The following PLCE1 variants were observed in gnomAD, a reference collection of about 807,000 sequenced individuals.
PLCE1 encodes 1-phosphatidylinositol 4,5-bisphosphate phosphodiesterase epsilon-1.
In PLCE1, 119 loss-of-function variants were observed where a neutral mutation model predicts 242.8. The observed-to-expected ratio is 0.49, with a 90% CI of 0.42 to 0.57. The LOEUF (loss-of-function observed/expected upper bound fraction) is 0.57. Ranked by LOEUF, PLCE1 falls within the 20% of genes least tolerant of loss-of-function variation. The pLI, the probability that PLCE1 is intolerant of heterozygous loss-of-function variation, is 0.00. For missense variants in PLCE1, 2,441 were observed against 2,788.8 expected (o/e 0.88, Z 2.81); for synonymous variants, 945 against 1,017.4 (o/e 0.93, Z 1.35).
At chr10:94,069,383 T>C (rs1376746673) in intron 2 of PLCE1, among the ~76,000 whole-genome samples, 1 of 152,124 alleles carries the variant, frequency 6.6e-6, no homozygotes, top group African/African-American at 2.4e-5. Context: ...GCAGATCACT[T>C]GAGGTCAGGA....
chr10:94,220,867 C>T (rs935256637), intron 4 of PLCE1, among the ~76,000 whole-genome samples: 5 of 152,168 alleles, frequency 3.3e-5, no homozygotes, highest in Non-Finnish European at 4.4e-5. Flanking sequence ...GCACAGGAAA[C>T]GGTGGGGCTG....
chr10:94,071,223 G>A (rs903986804), intron 2 of PLCE1, among the ~76,000 whole-genome samples: 1 of 151,898 alleles, frequency 6.6e-6, no homozygotes, highest in African/African-American at 2.4e-5. Flanking sequence ...GGAGTGTCCT[G>A]CTCACATCCT....
At chr10:94,217,749 A>C (rs2049580419) in intron 4 of PLCE1, among the ~76,000 whole-genome samples, 1 of 152,214 alleles carries the variant, frequency 6.6e-6, no homozygotes, top group Admixed American at 6.5e-5. Context: ...TTCTGAGTAC[A>C]GTATTTAGGG....
chr10:94,271,203 G>A (rs1043452216), intron 18 of PLCE1, among the ~76,000 whole-genome samples: 10 of 151,728 alleles, frequency 6.6e-5, no homozygotes, highest in African/African-American at 2.4e-4. Flanking sequence ...CAACACTTCT[G>A]GTACCACAAG....
intron 2 of PLCE1, 33 bp from the exon 3 acceptor site, chr10:94,132,141 A>T (rs761845759): frequency 1.2e-6 from 2 of 1,607,252 alleles, no homozygotes; most frequent in Non-Finnish European, 8.5e-7. Flanking sequence ...AAGAAACTAG[A>T]TTAATACTTC....
chr10:94,307,212 T>C (rs925508756), intron 26 of PLCE1, among the ~76,000 whole-genome samples: 4 of 152,240 alleles, frequency 2.6e-5, no homozygotes, highest in African/African-American at 9.6e-5. Context: ...AGCCTGTGCA[T>C]TGTTTTTAAA....
At chr10:94,026,797 G>C (rs1451357716) in intron 1 of PLCE1, among the ~76,000 whole-genome samples, 1 of 152,130 alleles carries the variant, frequency 6.6e-6, no homozygotes, top group African/African-American at 2.4e-5. Context: ...ATTAAAATTG[G>C]AGTGGACCTA....
intron 1 of PLCE1, among the ~76,000 whole-genome samples, chr10:94,025,027 A>G (rs2061432384): frequency 6.6e-6 from 1 of 152,028 alleles, no homozygotes; most frequent in African/African-American, 2.4e-5. Flanking sequence ...CCCTCCCCTA[A>G]GTCCCGGAAA....
At chr10:94,079,884 T>C (rs2044607997) in intron 2 of PLCE1, among the ~76,000 whole-genome samples, 2 of 152,228 alleles carry the variant, frequency 1.3e-5, no homozygotes, top group Non-Finnish European at 1.5e-5. Context: ...TATTCCTTCC[T>C]TGGAGGAGTT....
chr10:94,182,432 A>ATTTTTT, intron 4 of PLCE1, among the ~76,000 whole-genome samples: 1 of 138,192 alleles, frequency 7.2e-6, no homozygotes, highest in Non-Finnish European at 1.6e-5. Flanking sequence ...CCCTTGGATA[A>ATTTTTT]TTTTTTTTTT....
chr10:94,136,935 G>C (rs2046796123), intron 3 of PLCE1, among the ~76,000 whole-genome samples: 1 of 152,214 alleles, frequency 6.6e-6, no homozygotes, highest in Non-Finnish European at 1.5e-5. Flanking sequence ...GCTCACGCCT[G>C]TAATCCCAGC....
chr10:94,203,448 G>C (rs2049045087), intron 4 of PLCE1, among the ~76,000 whole-genome samples: 1 of 152,198 alleles, frequency 6.6e-6, no homozygotes, highest in African/African-American at 2.4e-5. Flanking sequence ...AAATCTGGTT[G>C]ATCAGACTTG....
chr10:94,018,703 A>AT (rs2061325161), intron 1 of PLCE1, among the ~76,000 whole-genome samples: 1 of 151,954 alleles, frequency 6.6e-6, no homozygotes, highest in Non-Finnish European at 1.5e-5. Context: ...TCATATCCTA[A>AT]TTTTTTTCTT....
intron 2 of PLCE1, among the ~76,000 whole-genome samples, chr10:94,066,087 G>A (rs1392964336): frequency 6.6e-6 from 1 of 152,098 alleles, no homozygotes; most frequent in Non-Finnish European, 1.5e-5. Context: ...GAGGAGAAGA[G>A]GCACAAAAAT....
At chr10:94,034,134 A>G (rs1286289828) in intron 2 of PLCE1, among the ~76,000 whole-genome samples, 1 of 152,142 alleles carries the variant, frequency 6.6e-6, no homozygotes, top group Non-Finnish European at 1.5e-5. Context: ...TAAAACCATC[A>G]TATCTTATGA....
At chr10:94,181,578 A>AAAAATAAAATAAAATAAAAT in intron 4 of PLCE1, among the ~76,000 whole-genome samples, 1 of 152,052 alleles carries the variant, frequency 6.6e-6, no homozygotes, top group East Asian at 1.9e-4. Flanking sequence ...TCTGTCTCAA[A>AAAAATAAAATAAAATAAAAT]AAAATAAAAT....
intron 3 of PLCE1, among the ~76,000 whole-genome samples, chr10:94,136,105 G>A (rs995747329): frequency 3.9e-5 from 6 of 152,286 alleles, no homozygotes; most frequent in African/African-American, 7.2e-5. Context: ...TGAATTAAAC[G>A]GAGTTGGTAA....
intron 29 of PLCE1, among the ~76,000 whole-genome samples, chr10:94,317,359 T>G (rs1460629144): frequency 6.6e-6 from 1 of 152,238 alleles, no homozygotes; most frequent in East Asian, 1.9e-4. Flanking sequence ...AGATTCCTTA[T>G]GCATGTCATC....
At chr10:94,126,652 G>A (rs2046445235) in intron 2 of PLCE1, among the ~76,000 whole-genome samples, 1 of 152,130 alleles carries the variant, frequency 6.6e-6, no homozygotes, top group Non-Finnish European at 1.5e-5. Flanking sequence ...GGCCTATGTA[G>A]GGCAGTAGTC....
Sources: allele counts gnomAD v4.1 joint callset (sites outside exome capture counted in the v4.1 genomes callset), GRCh38; gene constraint gnomAD v4.1.1; transcripts MANE v1.5; gene names NCBI Gene and HGNC (gene_info 2026-07-23, HGNC 2026-07-21).